Variants in TENM3 observed in about 807,000 individuals in gnomAD.
TENM3 encodes the protein teneurin transmembrane protein 3, also known as teneurin-3.
TENM3 carries 63 observed loss-of-function variants against 255.1 expected under a neutral mutation model. That is an observed-to-expected ratio of 0.25 (90% CI 0.20 to 0.30). TENM3 has a LOEUF of 0.30. Ranked by LOEUF, TENM3 falls within the 10% of genes least tolerant of loss-of-function variation. The probability of loss-of-function intolerance (pLI) is 1.00; values close to 1 mark genes in which losing one functional copy is unlikely to be tolerated. For synonymous variants in TENM3, 1,306 were observed against 1,322.3 expected (o/e 0.99, Z 0.27); for missense variants, 2,929 against 3,461.1 (o/e 0.85, Z 3.86).
intron 1 of TENM3, among the ~76,000 whole-genome samples, chr4:182,188,933 A>G (rs1176582199): frequency 1.3e-5 from 2 of 152,106 alleles, no homozygotes; most frequent in Non-Finnish European, 2.9e-5. Context: ...GTAATATTTT[A>G]AAAGCTGTAT....
At chr4:181,512,449 G>A in the TENM3 span, among the ~76,000 whole-genome samples, 144 of 152,220 alleles carry the variant, frequency 9.5e-4, 1 homozygote, top group African/African-American at 3.2e-3. Flanking sequence ...TGGAATTGAC[G>A]TATCTTTGTT....
At chr4:182,297,625 T>C (rs1761579567) in intron 1 of TENM3, among the ~76,000 whole-genome samples, 1 of 152,216 alleles carries the variant, frequency 6.6e-6, no homozygotes, top group Non-Finnish European at 1.5e-5. Context: ...TCCAGGACCA[T>C]GTATTAACCC....
the TENM3 span, among the ~76,000 whole-genome samples, chr4:181,897,226 A>G: frequency 1.3e-5 from 2 of 152,212 alleles, no homozygotes; most frequent in African/African-American, 4.8e-5. Context: ...TCAGCATTTC[A>G]AACAAATTAT....
chr4:181,725,829 ATC>A, the TENM3 span, among the ~76,000 whole-genome samples: 1 of 152,178 alleles, frequency 6.6e-6, no homozygotes. Context: ...GTTCAAGACT[ATC>A]TATTGTGTTC....
the TENM3 span, among the ~76,000 whole-genome samples, chr4:181,899,934 C>T: frequency 6.6e-6 from 1 of 152,060 alleles, no homozygotes; most frequent in Non-Finnish European, 1.5e-5. Context: ...TTCCCACTGA[C>T]CTTTTTTCTT....
chr4:181,839,682 T>C, the TENM3 span, among the ~76,000 whole-genome samples: 1 of 151,342 alleles, frequency 6.6e-6, no homozygotes, highest in South Asian at 2.1e-4. Context: ...GCTTTTTCAC[T>C]ATGCATAATG....
At chr4:182,013,995 CACATATAT>C in the TENM3 span, among the ~76,000 whole-genome samples, 40 of 96,112 alleles carry the variant, frequency 4.2e-4, 1 homozygote, top group African/African-American at 6.8e-4. Context: ...TACGTATATA[CACATATAT>C]ACGTATATAT....
the TENM3 span, among the ~76,000 whole-genome samples, chr4:181,659,864 T>G: frequency 6.6e-6 from 1 of 152,206 alleles, no homozygotes; most frequent in African/African-American, 2.4e-5. Context: ...AGTTACAGTC[T>G]TATTCATTGC....
At chr4:182,755,398 T>TG (rs1162741662) in intron 22 of TENM3, 139 bp downstream of exon 22, 5 of 817,140 alleles carry the variant, frequency 6.1e-6, no homozygotes, top group Non-Finnish European at 7.3e-6. Flanking sequence ...GGATCCCGGC[T>TG]GGGCACGGTG....
chr4:182,149,789 A>G (rs1188487495), intron 1 of TENM3, among the ~76,000 whole-genome samples: 6 of 151,910 alleles, frequency 3.9e-5, no homozygotes, highest in Non-Finnish European at 7.4e-5. Context: ...CTTTTTTGTA[A>G]GTTTAGGAGT....
chr4:181,744,249 T>C, the TENM3 span, among the ~76,000 whole-genome samples: 10 of 152,226 alleles, frequency 6.6e-5, no homozygotes, highest in Non-Finnish European at 1.3e-4. Flanking sequence ...GTTGATTCTA[T>C]GTCTTTGCTA....
At chr4:182,012,567 G>C in the TENM3 span, 1 of 152,204 alleles carries the variant, frequency 6.6e-6, no homozygotes, top group South Asian at 2.1e-4. Flanking sequence ...AGAAACAAGA[G>C]AGAAAGAAAC....
At chr4:181,913,242 T>G in the TENM3 span, among the ~76,000 whole-genome samples, 345 of 152,212 alleles carry the variant, frequency 2.3e-3, 1 homozygote, top group Non-Finnish European at 2.8e-3. Context: ...AAGAACTGAA[T>G]GATTTGAGAT....
chr4:181,844,325 A>T, the TENM3 span, among the ~76,000 whole-genome samples: 1 of 152,166 alleles, frequency 6.6e-6, no homozygotes, highest in Non-Finnish European at 1.5e-5. Flanking sequence ...AACACCCCAG[A>T]TGAAATGACC....
At chr4:182,708,593 A>C (rs12507287) in intron 12 of TENM3, among the ~76,000 whole-genome samples, 150,936 of 152,116 alleles carry the variant, frequency 0.99, 74,895 homozygotes, top group East Asian at 1. Flanking sequence ...AGGTCAGGAG[A>C]TCGAGACCAT....
chr4:181,764,394 T>C, the TENM3 span, among the ~76,000 whole-genome samples: 39 of 152,272 alleles, frequency 2.6e-4, no homozygotes, highest in Non-Finnish European at 5.0e-4. Context: ...CACCCCATCA[T>C]GGAATTTTGT....
chr4:181,745,738 G>T, the TENM3 span, among the ~76,000 whole-genome samples: 1 of 152,168 alleles, frequency 6.6e-6, no homozygotes, highest in Non-Finnish European at 1.5e-5. Flanking sequence ...TTGTGGAGAA[G>T]CTCTGAGGAT....
chr4:182,725,034 T>C (rs1199810397), intron 13 of TENM3, among the ~76,000 whole-genome samples: 1 of 151,514 alleles, frequency 6.6e-6, no homozygotes, highest in Non-Finnish European at 1.5e-5. Flanking sequence ...TTTAAAAAAT[T>C]TTTTGGTTTG....
At chr4:182,311,986 G>A (rs1055385277) in intron 1 of TENM3, among the ~76,000 whole-genome samples, 5 of 152,202 alleles carry the variant, frequency 3.3e-5, no homozygotes, top group African/African-American at 7.2e-5. Context: ...AAGTCTTACC[G>A]TTTGGCAACT....
Sources: gnomAD v4.1 joint callset for allele counts (sites outside exome capture counted in the v4.1 genomes callset) on GRCh38, gnomAD v4.1.1 for gene constraint, MANE v1.5 for transcripts, NCBI Gene and HGNC (gene_info 2026-07-23, HGNC 2026-07-21) for gene names.